Variants in DOCK10 observed in about 807,000 individuals in gnomAD.
The protein encoded by DOCK10 is dedicator of cytokinesis 10.
A neutral mutation model predicts 280.1 loss-of-function variants in DOCK10; 145 were observed. The observed-to-expected ratio is 0.52, with a 90% confidence interval of 0.45 to 0.59. The LOEUF (loss-of-function observed/expected upper bound fraction) is 0.59, where lower values mean the gene tolerates loss of function less well. Among genes scored for constraint, DOCK10 ranks in the 20% least tolerant of loss-of-function variants. The pLI is 0.00. For missense variants in DOCK10, 2,368 were observed against 2,651.7 expected (o/e 0.89, Z 2.35); for synonymous variants, 915 against 942.2 (o/e 0.97, Z 0.53).
intron 1 of DOCK10, among the ~76,000 whole-genome samples, chr2:224,963,142 C>T (rs911259306): frequency 2.0e-5 from 3 of 152,120 alleles, no homozygotes; most frequent in Non-Finnish European, 2.9e-5. Context: ...CCCACCAATC[C>T]GATTTGAGCC....
rs551670571 is a variant in DOCK10, at chr2:224,890,396, A to G, written c.417-3865T>C. ...CAAAGTAAGGTTCTCTTGAATTTCA[A>G]TGTAAAAGGCTAAATGCTTGTGAAA... On this transcript the variant is annotated intron_variant, in intron 4 of 55. Transcript: ENST00000258390. Among the ~76,000 whole-genome samples, 17 of 152,348 alleles carry G rather than the reference A, an allele frequency of 1.1e-4. 1 individual carries two copies. In the South Asian group the frequency reaches 2.9e-3, roughly 26 times the overall value.
Position 224,931,648 on chromosome 2 carries a change from G to A in DOCK10, c.144C>T (p.Leu48=), listed in dbSNP as rs776152071. The change falls in exon 2 of 56, where the codon CTC becomes CTT. Residue 48 remains leucine (L), a synonymous_variant. Coordinates refer to ENST00000258390, the MANE Select transcript of DOCK10 (RefSeq NM_014689.3). ...TGACAGTCTCATAATCCAAAGGCTC[G>A]AGAAGCCTAGGCTTTTCTTGCTGTA... ...QQQRQEKPRL[L]EPLDYETVIE... 1.7e-5 allele frequency: 27 copies of A among 1,607,972 alleles called. No individual in the cohort carries two copies. Among genetic ancestry groups the A allele is most frequent in the South Asian group, 7.8e-5 (7 of 89,850 alleles).
At chr2:224,925,997 T>C (rs1702026578) in intron 2 of DOCK10, among the ~76,000 whole-genome samples, 1 of 152,230 alleles carries the variant, frequency 6.6e-6, no homozygotes, top group African/African-American at 2.4e-5. Context: ...TATTTTTTGT[T>C]TTGTTTTAAA....
At chr2:224,957,014 A>G (rs988770190) in intron 1 of DOCK10, among the ~76,000 whole-genome samples, 5 of 152,182 alleles carry the variant, frequency 3.3e-5, no homozygotes, top group African/African-American at 1.2e-4. Context: ...TATTGTCTAA[A>G]TCAGGGTTTC....
intron 2 of DOCK10, among the ~76,000 whole-genome samples, chr2:224,930,293 G>A (rs1294094613): frequency 6.6e-6 from 1 of 151,728 alleles, no homozygotes; most frequent in Non-Finnish European, 1.5e-5. Context: ...TGAAAATGAG[G>A]ATGTGGAATT....
At chr2:224,950,167 C>G (rs372426080) in intron 1 of DOCK10, among the ~76,000 whole-genome samples, 21 of 152,188 alleles carry the variant, frequency 1.4e-4, no homozygotes, top group East Asian at 5.8e-4. Context: ...ATAATTTGAC[C>G]CAGAGATGGT....
At chr2:225,015,768 C>T (rs966164816) in intron 1 of DOCK10, among the ~76,000 whole-genome samples, 1 of 152,058 alleles carries the variant, frequency 6.6e-6, no homozygotes, top group Admixed American at 6.6e-5. Flanking sequence ...TTTGTGTTGC[C>T]GTTTCATTTC....
chr2:225,038,276 T>TA (rs5839086), intron 1 of DOCK10, among the ~76,000 whole-genome samples: 22 of 149,106 alleles, frequency 1.5e-4, no homozygotes, highest in Admixed American at 3.3e-4. Context: ...CCCACTCAAT[T>TA]AAAAAAAAAA....
At chr2:224,782,864 A>G (rs560848480) in intron 50 of DOCK10, among the ~76,000 whole-genome samples, 2 of 152,234 alleles carry the variant, frequency 1.3e-5, no homozygotes, top group African/African-American at 4.8e-5. Flanking sequence ...TAAGTTTTAC[A>G]GGGACATAAA....
rs370757829 is a variant in DOCK10, at chr2:224,800,226, G to A, written c.4431C>T (p.Asp1477=). 2.5e-6 allele frequency: 4 copies of A among 1,611,684 alleles called. No homozygotes were observed. The highest frequency in any genetic ancestry group is 3.4e-6 in the Non-Finnish European group (4 of 1,178,638). Reference sequence around the variant, plus strand: ...CCTCCGTAGCTATATTGGCCTCAGTGTCTACATGATGCACGATGTCTATTT... The same window carrying A: ...CCTCCGTAGCTATATTGGCCTCAGTATCTACATGATGCACGATGTCTATTT... ...SNEIDIVHHV[D]TEANIATEVC... Residue 1477 remains aspartate, a synonymous_variant, in exon 41 of 56, where the codon GAC becomes GAT. Coordinates refer to ENST00000258390, the MANE Select transcript of DOCK10 (RefSeq NM_014689.3).
At chr2:224,844,208 G>A (rs191652269) in intron 22 of DOCK10, among the ~76,000 whole-genome samples, 394 of 152,274 alleles carry the variant, frequency 2.6e-3, no homozygotes, top group African/African-American at 9.2e-3. Context: ...TCAGCTCAAC[G>A]CAACCTCTGC....
chr2:225,013,354 A>G (rs1235270921), intron 1 of DOCK10, among the ~76,000 whole-genome samples: 1 of 152,138 alleles, frequency 6.6e-6, no homozygotes, highest in Non-Finnish European at 1.5e-5. Flanking sequence ...AAGTACATCC[A>G]CTGGTGCTTG....
Position 224,945,678 on chromosome 2 carries a change from CAT to C in DOCK10, c.124-14012_124-14011del, listed in dbSNP as rs146310112. On this transcript the variant is annotated intron_variant, in intron 1 of 55. Transcript: ENST00000258390. ...GAGCCTATATATATGCATGTGTGTGCATATATATATATATAATATTTTTGAAA... is the reference window on the plus strand; with the variant it reads ...GAGCCTATATATATGCATGTGTGTGCATATATATATATAATATTTTTGAAA... 2.1e-4 allele frequency among the ~76,000 whole-genome samples: 31 copies of C among 150,038 alleles called. No homozygotes were observed. The Middle Eastern group carries it at 0.01, about 51-fold the overall frequency.
At chr2:225,002,933 G>A (rs1300275772) in intron 1 of DOCK10, among the ~76,000 whole-genome samples, 1 of 152,228 alleles carries the variant, frequency 6.6e-6, no homozygotes, top group Non-Finnish European at 1.5e-5. Flanking sequence ...ACATCAGTGT[G>A]GTCTGTCTTG....
rs1703448181 is a variant in DOCK10 at position 224,946,837 on chromosome 2, G to A, written c.124-15169C>T. On this transcript the variant is annotated intron_variant, in intron 1 of 55. Transcript: ENST00000258390. Reference sequence around the variant, plus strand: ...GATGGAAAGCAAAACATTGACATTTGGATACCTACAGAACTAAATCTGTGG... The same window carrying A: ...GATGGAAAGCAAAACATTGACATTTAGATACCTACAGAACTAAATCTGTGG... 6.0e-6 allele frequency: 9 copies of A among 1,508,822 alleles called. No individual in the cohort carries two copies. The East Asian group carries it at 2.3e-4, about 38-fold the overall frequency. The allele number at this position is 1,508,822 out of a possible 1,614,324, so 93.5% of individuals were successfully genotyped here.
intron 7 of DOCK10, among the ~76,000 whole-genome samples, chr2:224,880,964 A>G (rs1328251567): frequency 6.6e-6 from 1 of 152,162 alleles, no homozygotes; most frequent in Non-Finnish European, 1.5e-5. Flanking sequence ...TTGTTCATTC[A>G]TTCAGTGAAA....
intron 29 of DOCK10, among the ~76,000 whole-genome samples, chr2:224,818,138 A>G (rs1694261465): frequency 6.6e-6 from 1 of 152,162 alleles, no homozygotes; most frequent in African/African-American, 2.4e-5. Flanking sequence ...CCTCGGCCAA[A>G]TGGTTCTTCA....
chr2:224,814,966 A>G (rs938052673), intron 30 of DOCK10, among the ~76,000 whole-genome samples: 1 of 152,222 alleles, frequency 6.6e-6, no homozygotes, highest in Non-Finnish European at 1.5e-5. Flanking sequence ...ATCTACAAAG[A>G]GACTGTCAGG....
intron 2 of DOCK10, among the ~76,000 whole-genome samples, chr2:224,927,937 G>A (rs1395915): frequency 6.6e-6 from 1 of 151,790 alleles, no homozygotes; most frequent in African/African-American, 2.4e-5. Context: ...AGCTTGGAGC[G>A]GCCCCTCTCC....
Sources: gnomAD v4.1 joint callset for allele counts (sites outside exome capture counted in the v4.1 genomes callset) on GRCh38, gnomAD v4.1.1 for gene constraint, MANE v1.5 for transcripts, NCBI Gene and HGNC (gene_info 2026-07-23, HGNC 2026-07-21) for gene names.